The following TAFA1 variants were observed in gnomAD, a reference collection of about 807,000 sequenced individuals.
TAFA1 encodes TAFA chemokine like family member 1, also known as chemokine-like protein TAFA-1.
In TAFA1, 4 loss-of-function variants were observed where a neutral mutation model predicts 18.5. The ratio of observed to expected loss-of-function variants is 0.22; its 90% CI spans 0.11 to 0.49. The LOEUF (loss-of-function observed/expected upper bound fraction) is 0.49, where lower values mean the gene tolerates loss of function less well. TAFA1 is among the 20% of genes least tolerant of loss of function. The pLI is 0.98. For missense variants in TAFA1, 147 were observed against 169.0 expected (o/e 0.87, Z 0.72); for synonymous variants, 56 against 55.2 (o/e 1.01, Z -0.06).
rs78481655 is a variant in TAFA1, at chr3:68,299,202, A to G, written c.119-118078A>G. 1.1e-3 allele frequency among the ~76,000 whole-genome samples: 172 copies of G among 152,306 alleles called. 1 individual carries two copies. Among genetic ancestry groups the G allele is most frequent in the African/African-American group, 4.0e-3 (166 of 41,570 alleles). Reference sequence around the variant, plus strand: ...GAATGCCTTTGGTCTCTCCCATTAGATTTTATTATGACCTCTTCATACAGA... The same window carrying G: ...GAATGCCTTTGGTCTCTCCCATTAGGTTTTATTATGACCTCTTCATACAGA... On this transcript the variant is annotated intron_variant, in intron 2 of 4. Coordinates refer to ENST00000478136, the MANE Select transcript of TAFA1 (RefSeq NM_213609.4).
At chr3:68,277,806 C>A (rs1368224366) in intron 2 of TAFA1, among the ~76,000 whole-genome samples, 2 of 152,128 alleles carry the variant, frequency 1.3e-5, no homozygotes, top group African/African-American at 2.4e-5. Context: ...ATCTTTCCAT[C>A]CCCATTAAAA....
chr3:68,187,760 C>T (rs1023405938), intron 2 of TAFA1, among the ~76,000 whole-genome samples: 11 of 151,986 alleles, frequency 7.2e-5, no homozygotes, highest in African/African-American at 2.7e-4. Flanking sequence ...ACACATTACA[C>T]AGCTTATACT....
intron 2 of TAFA1, among the ~76,000 whole-genome samples, chr3:68,085,180 A>G (rs1185920585): frequency 6.6e-6 from 1 of 152,180 alleles, no homozygotes; most frequent in East Asian, 1.9e-4. Context: ...AGGCATTGCT[A>G]TCTTTATTTT....
chr3:68,142,499 C>T (rs930559605), intron 2 of TAFA1, among the ~76,000 whole-genome samples: 1 of 152,200 alleles, frequency 6.6e-6, no homozygotes. Context: ...AGTCCTTGAA[C>T]GTTCTTGCAT....
At chr3:68,534,035 CTT>C (rs996928185) in intron 3 of TAFA1, among the ~76,000 whole-genome samples, 10 of 152,102 alleles carry the variant, frequency 6.6e-5, no homozygotes, top group African/African-American at 9.7e-5. Context: ...ATATATATGT[CTT>C]TGACATACTT....
chr3:68,476,039 C>T (rs902858725), intron 3 of TAFA1, among the ~76,000 whole-genome samples: 1 of 152,054 alleles, frequency 6.6e-6, no homozygotes, highest in Non-Finnish European at 1.5e-5. Flanking sequence ...TGTTTGAGTT[C>T]ATTGTAGATT....
chr3:68,093,201 T>C (rs11920869), intron 2 of TAFA1, among the ~76,000 whole-genome samples: 2,727 of 152,158 alleles, frequency 0.018, 91 homozygotes, highest in African/African-American at 0.063. Flanking sequence ...TTGGCCTTCA[T>C]TGAGTTTAAT....
chr3:68,486,359 C>T (rs1047669491), intron 3 of TAFA1, among the ~76,000 whole-genome samples: 1 of 152,090 alleles, frequency 6.6e-6, no homozygotes, highest in Admixed American at 6.5e-5. Flanking sequence ...TATCTGGCCA[C>T]TCCCTGTGGT....
chr3:68,267,035 C>T (rs2067561400), intron 2 of TAFA1, among the ~76,000 whole-genome samples: 1 of 152,084 alleles, frequency 6.6e-6, no homozygotes, highest in Non-Finnish European at 1.5e-5. Context: ...GATTGACTTC[C>T]TGCATGCAAA....
chr3:68,291,614 A>T, intron 2 of TAFA1, among the ~76,000 whole-genome samples: 1 of 151,806 alleles, frequency 6.6e-6, no homozygotes, highest in Admixed American at 6.6e-5. Flanking sequence ...ATTGTATAAA[A>T]AAGGGAGCGA....
intron 3 of TAFA1, among the ~76,000 whole-genome samples, chr3:68,485,495 C>T (rs1236664529): frequency 6.6e-6 from 1 of 152,190 alleles, no homozygotes; most frequent in African/African-American, 2.4e-5. Context: ...TTCTGAGCCA[C>T]TCCTTATGCA....
At position 68,250,078 on chromosome 3, in the gene TAFA1, G is replaced by A. The variant is rs146889536; in HGVS notation, c.119-167202G>A. On this transcript the variant is annotated intron_variant, in intron 2 of 4. Transcript: ENST00000478136. ...TCATACGATAAATTCATTCTGGGAG[G>A]AAAAGCATTTCCAGGGAGTAACTAT... Among the ~76,000 whole-genome samples, 338 of 152,268 alleles carry A rather than the reference G, an allele frequency of 2.2e-3. 1 individual carries two copies. Among genetic ancestry groups the A allele is most frequent in the Non-Finnish European group, 3.8e-3 (258 of 68,010 alleles).
intron 3 of TAFA1, among the ~76,000 whole-genome samples, chr3:68,445,049 A>G (rs537994886): frequency 5.3e-5 from 8 of 152,024 alleles, no homozygotes; most frequent in Non-Finnish European, 8.8e-5. Flanking sequence ...TTGAGAATAG[A>G]GCCCATATCT....
chr3:68,259,799 C>T (rs1204733526), intron 2 of TAFA1, among the ~76,000 whole-genome samples: 2 of 152,006 alleles, frequency 1.3e-5, no homozygotes, highest in East Asian at 1.9e-4. Context: ...TATCCTGAGA[C>T]TTTGCTGAAG....
In TAFA1 at chr3:68,410,810, C is replaced by T. The variant is rs75417397; in HGVS notation, c.119-6470C>T. On this transcript the variant is annotated intron_variant, in intron 2 of 4. Transcript: ENST00000478136. ...ATAGATCATCTTGAAATCATTTTGA[C>T]TTGGATTGAGATGAAATTTAGAAAT... is the stretch of plus-strand genomic sequence containing the variant. Among the ~76,000 whole-genome samples, 194 of 143,406 alleles carry T rather than the reference C, an allele frequency of 1.4e-3. 3 individuals carry two copies. In the East Asian group the frequency reaches 0.035, roughly 26 times the overall value. 94.1% of individuals were successfully genotyped at this position (143,406 alleles called of 152,430 possible). A position where few individuals can be genotyped will look rare whatever the true frequency, so the allele number is the denominator to read the frequency against.
At chr3:68,115,250 A>G (rs1193760000) in intron 2 of TAFA1, among the ~76,000 whole-genome samples, 1 of 152,184 alleles carries the variant, frequency 6.6e-6, no homozygotes, top group African/African-American at 2.4e-5. Flanking sequence ...ACTTACTGTT[A>G]GCATGGTATA....
intron 2 of TAFA1, among the ~76,000 whole-genome samples, chr3:68,315,337 G>C (rs1225040399): frequency 6.6e-6 from 1 of 152,172 alleles, no homozygotes; most frequent in Non-Finnish European, 1.5e-5. Context: ...GGTGTGGAAG[G>C]ACATCATGTC....
chr3:68,448,896 C>T (rs1246930959), intron 3 of TAFA1, among the ~76,000 whole-genome samples: 1 of 152,114 alleles, frequency 6.6e-6, no homozygotes, highest in Non-Finnish European at 1.5e-5. Flanking sequence ...CTATAAAACA[C>T]TGTGTTAATT....
At chr3:68,305,569 TTTTAGATCTC>T (rs1256492057) in intron 2 of TAFA1, among the ~76,000 whole-genome samples, 1 of 150,876 alleles carries the variant, frequency 6.6e-6, no homozygotes, top group Non-Finnish European at 1.5e-5. Context: ...GTAGTAATCA[TTTTAGATCTC>T]TTTAGATCTC....
Sources: allele counts gnomAD v4.1 joint callset (sites outside exome capture counted in the v4.1 genomes callset), GRCh38; gene constraint gnomAD v4.1.1; transcripts MANE v1.5; gene names NCBI Gene and HGNC (gene_info 2026-07-23, HGNC 2026-07-21).